Variants in SLC7A7 observed in about 807,000 individuals in gnomAD.
SLC7A7 encodes solute carrier family 7 member 7, also known as Y+L amino acid transporter 1.
SLC7A7 carries 39 observed loss-of-function variants against 47.9 expected under a neutral mutation model. That is an observed-to-expected ratio of 0.81 (90% CI 0.63 to 1.06). The LOEUF (loss-of-function observed/expected upper bound fraction) is 1.06. SLC7A7 is among the 50% of genes least tolerant of loss of function. SLC7A7 has a pLI of 0.00. For synonymous variants in SLC7A7, 234 were observed against 242.8 expected (o/e 0.96, Z 0.34); for missense variants, 588 against 632.0 (o/e 0.93, Z 0.75).
chr14:22,774,803 C>G (rs900098807), intron 7 of SLC7A7, among the ~76,000 whole-genome samples: 3 of 152,104 alleles, frequency 2.0e-5, no homozygotes, highest in African/African-American at 7.2e-5. Flanking sequence ...TACAATAACC[C>G]GCTCTTATCT....
At position 22,774,343 on chromosome 14, in the gene SLC7A7, A is replaced by G; in HGVS notation, c.1245+11T>C. ...TTCAGGTGGAGCAGAGGTAGGATGG[A>G]GTTGCCTTACCTTGAGGGGACGAGG... On this transcript the variant is annotated intron_variant, in intron 8 of 9. Coordinates refer to ENST00000674313, the MANE Select transcript of SLC7A7 (RefSeq NM_003982.4). The G allele has an allele frequency of 6.2e-7, 1 of 1,614,108 alleles. No homozygotes were observed. The highest frequency in any genetic ancestry group is 1.3e-5 in the African/African-American group (1 of 75,028).
At chr14:22,780,162 A>G (rs2038693497) in intron 2 of SLC7A7, 111 bp from the exon 3 acceptor site, 1 of 1,475,410 alleles carries the variant, frequency 6.8e-7, no homozygotes, top group African/African-American at 1.4e-5. Flanking sequence ...CCTTCAGCCA[A>G]AGACAGACCC....
chr14:22,776,450 T>C, intron 4 of SLC7A7, 132 bp from the exon 5 acceptor site: 1 of 1,208,620 alleles, frequency 8.3e-7, no homozygotes, highest in Middle Eastern at 2.2e-4. Flanking sequence ...CTCAATGCAT[T>C]TGTCTTTGAC....
At position 22,813,179 on chromosome 14, in the gene SLC7A7, C is replaced by A. The variant is rs778234328; in HGVS notation, c.220G>T (p.Val74Phe). 1.2e-6 allele frequency: 2 copies of A among 1,614,040 alleles called. No homozygotes were observed. The highest frequency in any genetic ancestry group is 1.1e-5 in the South Asian group (1 of 91,086). The change falls in exon 2 of 10, where the codon GTC (valine) becomes TTC (phenylalanine). Residue 74 changes from valine to phenylalanine, a missense_variant. Transcript: ENST00000674313. ...AAGAGGCCCCCGACAGCCCAGATGA[C>A]CAGAGAGAGACCAAAGGAGGCACTG... ...IYSASFGLSL[V>F]IWAVGGLFSV... is the part of the protein sequence containing the mutation.
chr14:22,786,582 C>T (rs1263300172), intron 2 of SLC7A7, among the ~76,000 whole-genome samples: 3 of 152,226 alleles, frequency 2.0e-5, no homozygotes, highest in Non-Finnish European at 2.9e-5. Context: ...ACTACAACTC[C>T]TTTCTTTCCC....
intron 2 of SLC7A7, among the ~76,000 whole-genome samples, chr14:22,808,642 A>G (rs991600789): frequency 3.3e-5 from 5 of 152,210 alleles, no homozygotes; most frequent in African/African-American, 1.2e-4. Flanking sequence ...CCCCATCTCT[A>G]TTAAAGAAAA....
chr14:22,795,385 GCTTT>G (rs1160830498), intron 2 of SLC7A7, among the ~76,000 whole-genome samples: 74 of 14,490 alleles, frequency 5.1e-3, no homozygotes, highest in African/African-American at 0.015. Context: ...TTGCTTGCTT[GCTTT>G]CTTTCTTTCT....
At chr14:22,809,342 C>G (rs1594980710) in intron 2 of SLC7A7, among the ~76,000 whole-genome samples, 1 of 133,672 alleles carries the variant, frequency 7.5e-6, no homozygotes, top group African/African-American at 2.8e-5. Flanking sequence ...CCACACCCAG[C>G]TTTTTTTTTT....
In SLC7A7 at chr14:22,774,085, A is replaced by C; in HGVS notation, c.1277T>G (p.Leu426Arg). 6.2e-7 allele frequency: 1 copy of C among 1,614,226 alleles called. No individual in the cohort carries two copies. The highest frequency in any genetic ancestry group is 8.5e-7 in the Non-Finnish European group (1 of 1,180,042). Residue 426 changes from leucine to arginine, a missense_variant, in exon 9 of 10, where the codon CTC becomes CGC. Coordinates refer to ENST00000674313, the MANE Select transcript of SLC7A7 (RefSeq NM_003982.4). ...LSVFFPIVFC[L>R]CTIFLVAVPL... is the part of the protein sequence containing the mutation. Reference sequence around the variant, plus strand: ...AACAGCCACCAGGAAGATGGTGCAGAGGCAGAAGACAATCGGGAAGAAAAC... The same window carrying C: ...AACAGCCACCAGGAAGATGGTGCAGCGGCAGAAGACAATCGGGAAGAAAAC...
At chr14:22,797,944 A>G (rs2039046037) in intron 2 of SLC7A7, among the ~76,000 whole-genome samples, 1 of 152,174 alleles carries the variant, frequency 6.6e-6, no homozygotes, top group African/African-American at 2.4e-5. Context: ...GAAAAAGATG[A>G]AAATATGGTA....
At position 22,812,996 on chromosome 14, in the gene SLC7A7, T is replaced by C. The variant is rs971087623; in HGVS notation, c.403A>G (p.Ile135Val). 7 of 1,613,902 alleles carry C rather than the reference T, an allele frequency of 4.3e-6. No homozygotes were observed. The highest frequency in any genetic ancestry group is 1.3e-5 in the African/African-American group (1 of 74,928). ...ATGTAGTTGGCAAAGGTGATGGCAATGATGGCCTGGCTGGTGGGCTCAATG... is the reference window on the plus strand; with the variant it reads ...ATGTAGTTGGCAAAGGTGATGGCAACGATGGCCTGGCTGGTGGGCTCAATG... ...LIIEPTSQAI[I>V]AITFANYMVQ... Residue 135 changes from isoleucine to valine, a missense_variant, in exon 2 of 10, where the codon ATT becomes GTT. Ile to Val is a conservative substitution (Grantham distance 29, BLOSUM62 3). Coordinates refer to ENST00000674313, the MANE Select transcript of SLC7A7 (RefSeq NM_003982.4).
intron 2 of SLC7A7, among the ~76,000 whole-genome samples, chr14:22,801,574 G>T (rs1162361400): frequency 6.6e-6 from 1 of 151,906 alleles, no homozygotes; most frequent in Non-Finnish European, 1.5e-5. Context: ...ATGAGGTCAA[G>T]AGATCAAGAC....
intron 2 of SLC7A7, among the ~76,000 whole-genome samples, chr14:22,790,361 C>G: frequency 6.9e-6 from 1 of 145,626 alleles, no homozygotes; most frequent in Non-Finnish European, 1.5e-5. Context: ...AAAAACCTAA[C>G]TGCAGGCAGA....
chr14:22,797,745 C>T (rs2039043637), intron 2 of SLC7A7, among the ~76,000 whole-genome samples: 1 of 152,066 alleles, frequency 6.6e-6, no homozygotes, highest in Non-Finnish European at 1.5e-5. Context: ...ATGAAGTCAA[C>T]CACCCGTATA....
chr14:22,795,973 A>G (rs2039015856), intron 2 of SLC7A7, among the ~76,000 whole-genome samples: 1 of 152,200 alleles, frequency 6.6e-6, no homozygotes, highest in African/African-American at 2.4e-5. Context: ...TGATCAAAGC[A>G]GCATAAAGGT....
intron 2 of SLC7A7, among the ~76,000 whole-genome samples, chr14:22,784,560 G>C (rs1325461514): frequency 6.6e-6 from 1 of 152,022 alleles, no homozygotes; most frequent in Non-Finnish European, 1.5e-5. Context: ...GGAGGATGCA[G>C]TGAGCCAAGA....
intron 4 of SLC7A7, among the ~76,000 whole-genome samples, chr14:22,776,565 G>C (rs1435633316): frequency 6.6e-6 from 1 of 152,202 alleles, no homozygotes; most frequent in Non-Finnish European, 1.5e-5. Flanking sequence ...GGGAGCAGTG[G>C]CTCATGCCTG....
intron 9 of SLC7A7, 82 bp from the exon 10 acceptor site, chr14:22,773,798 G>C: frequency 6.6e-7 from 1 of 1,526,052 alleles, no homozygotes; most frequent in African/African-American, 1.4e-5. Flanking sequence ...CTCAGTGTGA[G>C]GGGAGTGATT....
chr14:22,799,944 C>T (rs571995119), intron 2 of SLC7A7, among the ~76,000 whole-genome samples: 4 of 152,268 alleles, frequency 2.6e-5, no homozygotes, highest in Admixed American at 1.3e-4. Flanking sequence ...TCGGTGTTCC[C>T]CATACAAGTA....
Sources: gnomAD v4.1 joint callset for allele counts (sites outside exome capture counted in the v4.1 genomes callset) on GRCh38, gnomAD v4.1.1 for gene constraint, MANE v1.5 for transcripts, NCBI Gene and HGNC (gene_info 2026-07-23, HGNC 2026-07-21) for gene names.